NXN: variants seen among roughly 807,000 people sequenced by gnomAD.
NXN encodes the protein nucleoredoxin 1.
In NXN, 16 loss-of-function variants were observed where a neutral mutation model predicts 48.6. The ratio of observed to expected loss-of-function variants is 0.33; its 90% confidence interval spans 0.22 to 0.50. The LOEUF (loss-of-function observed/expected upper bound fraction) is 0.50, where lower values mean the gene tolerates loss of function less well. Ranked by LOEUF, NXN falls within the 20% of genes least tolerant of loss-of-function variation. The pLI is 0.98. For synonymous variants in NXN, 281 were observed against 269.6 expected, an observed-to-expected ratio of 1.04 and a Z score of -0.41; for missense variants, 492 against 605.5, an observed-to-expected ratio of 0.81 and a Z score of 1.97.
chr17:886,939 A>T (rs550283584), intron 1 of NXN, among the ~76,000 whole-genome samples: 87 of 151,810 alleles, frequency 5.7e-4, no homozygotes, highest in South Asian at 1.5e-3. Flanking sequence ...TTATTTATTT[A>T]TTTTTTTTCA....
chr17:809,234 G>A (rs549844400), intron 5 of NXN, among the ~76,000 whole-genome samples: 1 of 152,212 alleles, frequency 6.6e-6, no homozygotes, highest in Middle Eastern at 3.2e-3. Context: ...CTTGGAACAC[G>A]GACTCTAAGT....
At chr17:944,344 A>G (rs2069018764) in intron 1 of NXN, among the ~76,000 whole-genome samples, 1 of 152,200 alleles carries the variant, frequency 6.6e-6, no homozygotes, top group Admixed American at 6.5e-5. Flanking sequence ...TCTCGTCCAT[A>G]TTGGCCCCAA....
intron 7 of NXN, among the ~76,000 whole-genome samples, chr17:803,166 C>T (rs527799656): frequency 7.9e-5 from 12 of 152,306 alleles, no homozygotes; most frequent in East Asian, 1.9e-4. Flanking sequence ...GGTCCAGCCC[C>T]GCTGGAGACC....
chr17:904,145 G>A (rs774220909), intron 1 of NXN, among the ~76,000 whole-genome samples: 13 of 152,168 alleles, frequency 8.5e-5, no homozygotes, highest in African/African-American at 3.1e-4. Context: ...AACTCTGTCC[G>A]TACATGCCTC....
Position 909,098 on chromosome 17 carries a change from CAAA to C in NXN, c.360+70218_360+70220del, listed in dbSNP as rs59822805. 8.0e-4 allele frequency among the ~76,000 whole-genome samples: 94 copies of C among 117,298 alleles called. No homozygotes were observed. In the East Asian group the frequency reaches 0.012, roughly 16 times the overall value. The allele number at this position is 117,298 out of a possible 152,430, so 77.0% of individuals were successfully genotyped here. A position where few individuals can be genotyped will look rare whatever the true frequency, so the allele number is the denominator to read the frequency against. ...TGGGCGACAGAGTGAGACTTCGTCT[CAAA>C]AAAAAAAAAAAAAAAAAAAAAAAAA... On this transcript the variant is annotated intron_variant, in intron 1 of 7. Transcript: ENST00000336868.
intron 1 of NXN, among the ~76,000 whole-genome samples, chr17:952,197 C>G (rs113085836): frequency 1.6e-5 from 2 of 126,266 alleles, no homozygotes; most frequent in African/African-American, 5.4e-5. Flanking sequence ...GTCAGAGAGA[C>G]CAAGGTTGGA....
At chr17:950,648 A>G (rs1176217828) in intron 1 of NXN, among the ~76,000 whole-genome samples, 1 of 152,126 alleles carries the variant, frequency 6.6e-6, no homozygotes, top group East Asian at 1.9e-4. Context: ...AGAGCTCGGC[A>G]TGTGCTTCTA....
At position 920,900 on chromosome 17, in the gene NXN, T is replaced by C. The variant is rs2068744456; in HGVS notation, c.360+58419A>G. Among the ~76,000 whole-genome samples the C allele has an allele frequency of 6.6e-6, 1 of 151,992 alleles. No individual in the cohort carries two copies. Among genetic ancestry groups the C allele is most frequent in the Non-Finnish European group, 1.5e-5 (1 of 67,998 alleles). On this transcript the variant is annotated intron_variant, in intron 1 of 7. Transcript: ENST00000336868. This position sits in a 1 kb window ranked among gnomAD's most constrained non-coding sequence, Gnocchi z 4.6. ...ACCATGTCCGGCTAATTTTTGTAAT[T>C]TTAGTAAAGACGGGGTTTTGCCATG...
chr17:900,531 G>A (rs969562028), intron 1 of NXN, among the ~76,000 whole-genome samples: 2 of 152,124 alleles, frequency 1.3e-5, no homozygotes, highest in Non-Finnish European at 2.9e-5. Flanking sequence ...GGAGGCTGCT[G>A]GCAAACCATG....
intron 1 of NXN, among the ~76,000 whole-genome samples, chr17:965,004 AG>A (rs972697883): frequency 6.6e-6 from 1 of 152,226 alleles, no homozygotes; most frequent in African/African-American, 2.4e-5. Flanking sequence ...CAGGGCAGTC[AG>A]GATTACCACA....
chr17:925,360 CAG>C (rs1246971029), intron 1 of NXN, among the ~76,000 whole-genome samples: 3 of 152,188 alleles, frequency 2.0e-5, no homozygotes, highest in Non-Finnish European at 2.9e-5. Flanking sequence ...CCCAGGAACA[CAG>C]AGGAGGCTGG....
chr17:879,715 C>G (rs1190035534), intron 1 of NXN, among the ~76,000 whole-genome samples: 1 of 152,150 alleles, frequency 6.6e-6, no homozygotes. Flanking sequence ...GTTTGGCGGG[C>G]GTCACCTTTC....
At chr17:841,956 G>A (rs1293365969) in intron 1 of NXN, among the ~76,000 whole-genome samples, 4 of 152,118 alleles carry the variant, frequency 2.6e-5, no homozygotes, top group Non-Finnish European at 4.4e-5. Flanking sequence ...GGTCAACATG[G>A]TGAAATCTGT....
intron 5 of NXN, among the ~76,000 whole-genome samples, chr17:812,478 C>T (rs1003851928): frequency 6.6e-6 from 1 of 152,220 alleles, no homozygotes; most frequent in African/African-American, 2.4e-5. Flanking sequence ...CAGACTCAAA[C>T]AGGGAGCAGG....
At chr17:876,199 G>A (rs71357124) in intron 1 of NXN, among the ~76,000 whole-genome samples, 35,927 of 126,972 alleles carry the variant, frequency 0.28, 4,644 homozygotes, top group Middle Eastern at 0.38. Flanking sequence ...AGAAAAAAAA[G>A]AAAAGAAAGA....
At chr17:897,010 G>A (rs889698018) in intron 1 of NXN, 157 of 1,117,322 alleles carry the variant, frequency 1.4e-4, no homozygotes, top group Middle Eastern at 2.6e-4. Context: ...CACGGACTCC[G>A]TAATGGAAAC....
In NXN at chr17:916,044, G is replaced by A. The variant is rs185909948; in HGVS notation, c.360+63275C>T. 3.8e-3 allele frequency among the ~76,000 whole-genome samples: 574 copies of A among 152,308 alleles called. 3 individuals carry two copies. The highest frequency in any genetic ancestry group is 0.013 in the African/African-American group (530 of 41,572). On this transcript the variant is annotated intron_variant, in intron 1 of 7. Coordinates refer to ENST00000336868, the MANE Select transcript of NXN (RefSeq NM_022463.5). ...TAAAAACACTGAAGCTCTTAAGAGC[G>A]CCTGTCTGGCTGCCAAGCCATTGTT...
intron 1 of NXN, among the ~76,000 whole-genome samples, chr17:960,507 C>T (rs1262426558): frequency 6.6e-6 from 1 of 151,846 alleles, no homozygotes; most frequent in East Asian, 1.9e-4. Flanking sequence ...ACATGCAGGG[C>T]CAATTTTTTA....
intron 1 of NXN, among the ~76,000 whole-genome samples, chr17:938,552 G>A (rs773407666): frequency 4.0e-5 from 6 of 149,338 alleles, no homozygotes; most frequent in Non-Finnish European, 7.4e-5. Context: ...GCTTAGTGAC[G>A]AGCCCCTGTA....
Sources: gnomAD v4.1 joint callset for allele counts (sites outside exome capture counted in the v4.1 genomes callset) on GRCh38, gnomAD v4.1.1 for gene constraint, Gnocchi (gnomAD v3.1) non-coding constraint, MANE v1.5 for transcripts, NCBI Gene and HGNC (gene_info 2026-07-23, HGNC 2026-07-21) for gene names.